The following PODXL variants were observed in gnomAD, a reference collection of about 807,000 sequenced individuals.
PODXL encodes the protein podocalyxin like, also known as podocalyxin.
A neutral mutation model predicts 48.9 loss-of-function variants in PODXL; 20 were observed. The observed-to-expected ratio is 0.41, with a 90% CI of 0.29 to 0.59. The LOEUF is 0.59. Among genes scored for constraint, PODXL ranks in the 20% least tolerant of loss-of-function variants. The pLI, the probability that PODXL is intolerant of heterozygous loss-of-function variation, is 0.31. For synonymous variants in PODXL, 295 were observed against 287.4 expected (o/e 1.03, Z -0.27); for missense variants, 606 against 675.1 (o/e 0.90, Z 1.13).
intron 1 of PODXL, among the ~76,000 whole-genome samples, chr7:131,537,655 G>A (rs1057319924): frequency 6.9e-6 from 1 of 145,314 alleles, no homozygotes; most frequent in East Asian, 2.0e-4. Flanking sequence ...AATTGTCCTC[G>A]AGGGAATACA....
At position 131,511,425 on chromosome 7, in the gene PODXL, T is replaced by C; in HGVS notation, c.109A>G (p.Thr37Ala). ...SPSPSQNATQ[T>A]TTDSSNKTAP... Reference sequence around the variant, plus strand: ...GTTTTGTTAGATGAGTCCGTAGTAGTCTGGGTTGCTGTTTGTAAAGATAAC... The same window carrying C: ...GTTTTGTTAGATGAGTCCGTAGTAGCCTGGGTTGCTGTTTGTAAAGATAAC... The change falls in exon 2 of 9, where the codon ACT (threonine) becomes GCT (alanine). Residue 37 changes from threonine to alanine, a missense_variant. By Grantham distance (58) the Thr-to-Ala change is moderately conservative. Coordinates refer to ENST00000378555, the MANE Select transcript of PODXL (RefSeq NM_001018111.3). 6.2e-7 allele frequency: 1 copy of C among 1,600,514 alleles called. No individual in the cohort carries two copies.
At chr7:131,506,844 C>T (rs540871086) in intron 5 of PODXL, 118 bp from the exon 6 acceptor site, 17 of 1,098,412 alleles carry the variant, frequency 1.5e-5, no homozygotes, top group African/African-American at 7.7e-5. Context: ...ACCTGCCTCC[C>T]TCTCTAGCCC....
chr7:131,529,304 G>C (rs1027609005), intron 1 of PODXL, among the ~76,000 whole-genome samples: 38 of 152,232 alleles, frequency 2.5e-4, no homozygotes, highest in African/African-American at 8.9e-4. Context: ...TTAACGCAGT[G>C]CCAGCTCCCC....
chr7:131,538,031 G>A (rs532812439), intron 1 of PODXL, among the ~76,000 whole-genome samples: 23 of 152,264 alleles, frequency 1.5e-4, no homozygotes, highest in African/African-American at 5.1e-4. Context: ...CGTGACCATC[G>A]CAGTCCCTGT....
intron 5 of PODXL, among the ~76,000 whole-genome samples, 167 bp downstream of exon 5, chr7:131,508,784 T>G (rs1797855712): frequency 6.6e-6 from 1 of 151,940 alleles, no homozygotes; most frequent in African/African-American, 2.4e-5. Context: ...TGTTGCTCTG[T>G]AAGATGGGAA....
At chr7:131,518,415 G>T (rs1019717122) in intron 1 of PODXL, among the ~76,000 whole-genome samples, 1 of 152,210 alleles carries the variant, frequency 6.6e-6, no homozygotes, top group African/African-American at 2.4e-5. Flanking sequence ...TCCTGAACGG[G>T]TCTGGTGAGG....
In PODXL at chr7:131,502,234, G is replaced by C. The variant is rs2116767867; in HGVS notation, c.*2077C>G. 6.6e-6 allele frequency: 1 copy of C among 152,386 alleles called. No individual in the cohort carries two copies. The highest frequency in any genetic ancestry group is 2.1e-4 in the South Asian group (1 of 4,818). 9.4% of individuals were successfully genotyped at this position (152,386 alleles called of 1,614,324 possible). A position where few individuals can be genotyped will look rare whatever the true frequency, so the allele number is the denominator to read the frequency against. On this transcript the variant is annotated 3_prime_UTR_variant, in exon 9 of 9. Transcript: ENST00000378555. ...CTGGGTGGAGAGAACCCAGCGCTGG[G>C]CAAGAAGGAAGCAAACACCTCACTC...
At chr7:131,527,749 G>T (rs567146837) in intron 1 of PODXL, among the ~76,000 whole-genome samples, 11 of 152,202 alleles carry the variant, frequency 7.2e-5, no homozygotes, top group Non-Finnish European at 1.5e-4. Flanking sequence ...TTTCCTTTTC[G>T]AAGGTAGGAG....
At chr7:131,506,424 G>T in intron 6 of PODXL, 103 bp from the exon 7 acceptor site, 1 of 1,460,966 alleles carries the variant, frequency 6.8e-7, no homozygotes. Flanking sequence ...TCAGTCTCCT[G>T]AGTGTCTCTC....
At chr7:131,529,557 G>A (rs1231531520) in intron 1 of PODXL, among the ~76,000 whole-genome samples, 1 of 151,796 alleles carries the variant, frequency 6.6e-6, no homozygotes, top group Non-Finnish European at 1.5e-5. Context: ...CACCAGTATC[G>A]ACCTCTCCTT....
rs1217348552 is a variant in PODXL at position 131,519,602 on chromosome 7, GA to G, written c.101-8170del. Among the ~76,000 whole-genome samples, 301 of 142,688 alleles carry G rather than the reference GA, an allele frequency of 2.1e-3. 2 individuals carry two copies. Among genetic ancestry groups the G allele is most frequent in the African/African-American group, 5.2e-3 (203 of 38,792 alleles). 93.6% of individuals were successfully genotyped at this position (142,688 alleles called of 152,430 possible). On this transcript the variant is annotated intron_variant, in intron 1 of 8. Transcript: ENST00000378555. ...TCTTTGGAGAGGTTGATCAAAAGGG[GA>G]AAAAAAAAAATCCAAAGGCATAAGT...
chr7:131,523,463 A>G (rs1798120822), intron 1 of PODXL, among the ~76,000 whole-genome samples: 1 of 151,970 alleles, frequency 6.6e-6, no homozygotes, highest in African/African-American at 2.4e-5. Context: ...CGGGCAGATC[A>G]CGAGGTCAGG....
intron 1 of PODXL, among the ~76,000 whole-genome samples, chr7:131,534,073 G>C (rs1798327554): frequency 6.6e-6 from 1 of 152,138 alleles, no homozygotes; most frequent in Admixed American, 6.5e-5. Context: ...TTACCCGTTA[G>C]AGCCGCGCAG....
rs765696227 is a variant in PODXL at position 131,506,608 on chromosome 7, G to A, written c.1220C>T (p.Thr407Ile). ...IRLASVPGSQ[T>I]VVVKEITIHT... ...AATAGTGATTTCTTTGACGACCACG[G>A]TCTGACTTCCTGGAACAGATGCCAG... The change falls in exon 6 of 9, where the codon ACC (threonine) becomes ATC (isoleucine). Residue 407 changes from threonine (T) to isoleucine (I), a missense_variant. Transcript: ENST00000378555. The A allele has an allele frequency of 2.4e-5, 39 of 1,614,052 alleles. No homozygotes were observed. The highest frequency in any genetic ancestry group is 9.3e-5 in the African/African-American group (7 of 74,922).
intron 1 of PODXL, among the ~76,000 whole-genome samples, chr7:131,532,521 G>GC (rs1554386950): frequency 7.3e-4 from 4 of 5,508 alleles, no homozygotes; most frequent in Non-Finnish European, 3.6e-3. Flanking sequence ...TTTTTTTGGA[G>GC]GGGGGGTACA....
chr7:131,545,780 G>T (rs564466455), intron 1 of PODXL, among the ~76,000 whole-genome samples: 1 of 152,190 alleles, frequency 6.6e-6, no homozygotes, highest in Non-Finnish European at 1.5e-5. Context: ...TCTAAGAAGG[G>T]AAATGTATTC....
At chr7:131,507,393 G>A (rs1239998019) in intron 5 of PODXL, among the ~76,000 whole-genome samples, 2 of 152,186 alleles carry the variant, frequency 1.3e-5, no homozygotes, top group Non-Finnish European at 2.9e-5. Flanking sequence ...AAAGATTGTG[G>A]CTGACGTGGC....
intron 1 of PODXL, among the ~76,000 whole-genome samples, chr7:131,543,579 C>T (rs1053184379): frequency 3.9e-5 from 6 of 152,242 alleles, no homozygotes; most frequent in East Asian, 1.9e-4. Context: ...GGCACCACCA[C>T]GCCTTCTTTG....
chr7:131,545,495 A>G (rs375828305), intron 1 of PODXL, among the ~76,000 whole-genome samples: 7 of 152,268 alleles, frequency 4.6e-5, no homozygotes, highest in African/African-American at 1.7e-4. Context: ...ACAGTTGGTC[A>G]CTCTATCTTC....
Sources: gnomAD v4.1 joint callset for allele counts (sites outside exome capture counted in the v4.1 genomes callset) on GRCh38, gnomAD v4.1.1 for gene constraint, MANE v1.5 for transcripts, NCBI Gene and HGNC (gene_info 2026-07-23, HGNC 2026-07-21) for gene names.